Variants in RCAN2 observed in about 807,000 individuals in gnomAD.
The protein encoded by RCAN2 is calcipressin-2.
Under a neutral mutation model 23.6 loss-of-function variants are expected in RCAN2, and 9 were observed. That is an observed-to-expected ratio of 0.38 (90% CI 0.23 to 0.67). The LOEUF is 0.67. Among genes scored for constraint, RCAN2 ranks in the 30% least tolerant of loss-of-function variants. RCAN2 has a pLI of 0.51. For missense variants in RCAN2, 273 were observed against 302.3 expected, an observed-to-expected ratio of 0.90 and a Z score of 0.72; for synonymous variants, 109 against 115.7, an observed-to-expected ratio of 0.94 and a Z score of 0.37.
chr6:46,323,612 C>T (rs938187995), intron 2 of RCAN2, among the ~76,000 whole-genome samples: 1 of 152,198 alleles, frequency 6.6e-6, no homozygotes, highest in African/African-American at 2.4e-5. Flanking sequence ...CACTAGACTG[C>T]AAAATGCTGT....
At chr6:46,303,602 C>T (rs949214422) in intron 2 of RCAN2, among the ~76,000 whole-genome samples, 10 of 152,004 alleles carry the variant, frequency 6.6e-5, no homozygotes, top group African/African-American at 1.2e-4. Context: ...GGATTTAAAA[C>T]GGTTCCAGTA....
At chr6:46,429,412 CT>C (rs755500325) in intron 2 of RCAN2, among the ~76,000 whole-genome samples, 12 of 152,158 alleles carry the variant, frequency 7.9e-5, no homozygotes, top group Non-Finnish European at 1.6e-4. Flanking sequence ...CATCTTTTAC[CT>C]TGCACATTTG....
intron 4 of RCAN2, among the ~76,000 whole-genome samples, chr6:46,239,803 G>C (rs1476984533): frequency 6.6e-6 from 1 of 152,058 alleles, no homozygotes; most frequent in Non-Finnish European, 1.5e-5. Flanking sequence ...ATCTTCTGGA[G>C]GTTTCTCTCT....
intron 2 of RCAN2, among the ~76,000 whole-genome samples, chr6:46,391,679 T>G (rs1204068778): frequency 6.6e-6 from 1 of 152,110 alleles, no homozygotes; most frequent in African/African-American, 2.4e-5. Flanking sequence ...ACAGTGGAAG[T>G]TGGAGGAGTT....
intron 2 of RCAN2, among the ~76,000 whole-genome samples, chr6:46,401,622 T>C (rs1404240941): frequency 6.6e-6 from 1 of 152,186 alleles, no homozygotes; most frequent in Non-Finnish European, 1.5e-5. Flanking sequence ...TGTTTCCAAG[T>C]AATCTGCGAA....
intron 2 of RCAN2, among the ~76,000 whole-genome samples, chr6:46,358,107 C>T (rs188366028): frequency 5.9e-5 from 9 of 152,250 alleles, no homozygotes; most frequent in Middle Eastern, 3.4e-3. Context: ...ATCCCGGTGA[C>T]GCCCTAGGTC....
chr6:46,263,617 T>A (rs1767218163), intron 2 of RCAN2, among the ~76,000 whole-genome samples: 1 of 146,398 alleles, frequency 6.8e-6, no homozygotes, highest in Non-Finnish European at 1.5e-5. Context: ...CTGTAAGAGA[T>A]GGATAGAATT....
chr6:46,406,134 G>A (rs1766399879), intron 2 of RCAN2, among the ~76,000 whole-genome samples: 1 of 152,152 alleles, frequency 6.6e-6, no homozygotes, highest in Non-Finnish European at 1.5e-5. Context: ...CCCGGTTCCT[G>A]CTCGCGCCTC....
Position 46,489,358 on chromosome 6 carries a change from T to C in RCAN2, c.-3+1815A>G, listed in dbSNP as rs188957564. On this transcript the variant is annotated intron_variant, in intron 1 of 4. Coordinates refer to ENST00000371374, the MANE Select transcript of RCAN2 (RefSeq NM_001251974.2). ...TCTCCTTTTCTGCTAAATTGATTTC[T>C]GGGAGGCATGGGCCTCATTCTTTTA... Among the ~76,000 whole-genome samples the C allele has an allele frequency of 4.6e-5, 7 of 152,372 alleles. No individual in the cohort carries two copies. In the East Asian group the frequency reaches 1.3e-3, roughly 29 times the overall value.
At chr6:46,417,302 T>G (rs912755641) in intron 2 of RCAN2, among the ~76,000 whole-genome samples, 2 of 152,192 alleles carry the variant, frequency 1.3e-5, no homozygotes, top group Non-Finnish European at 1.5e-5. Flanking sequence ...ATTTGAGAGA[T>G]AAAAATGATA....
chr6:46,303,957 C>T (rs1436218622), intron 2 of RCAN2, among the ~76,000 whole-genome samples: 2 of 152,030 alleles, frequency 1.3e-5, no homozygotes, highest in African/African-American at 4.8e-5. Context: ...ACTCATTTAT[C>T]TTGAGAATTA....
At position 46,467,439 on chromosome 6, in the gene RCAN2, C is replaced by T. The variant is rs149860520; in HGVS notation, c.-2-10461G>A. 5.1e-3 allele frequency among the ~76,000 whole-genome samples: 776 copies of T among 152,326 alleles called. 4 individuals carry two copies. Among genetic ancestry groups the T allele is most frequent in the Middle Eastern group, 0.014 (4 of 294 alleles). On this transcript the variant is annotated intron_variant, in intron 1 of 4. Coordinates refer to ENST00000371374, the MANE Select transcript of RCAN2 (RefSeq NM_001251974.2). ...CACTTAGAACAATGACTCGGACACA[C>T]CATGAGTGTTCAGTAAGTGTTAACT...
chr6:46,439,341 A>G (rs1035392643), intron 2 of RCAN2, among the ~76,000 whole-genome samples: 2 of 152,230 alleles, frequency 1.3e-5, no homozygotes, highest in Non-Finnish European at 2.9e-5. Flanking sequence ...AAATTCCCAA[A>G]TATCAGTTCA....
At chr6:46,230,679 G>T (rs1765852611) in intron 4 of RCAN2, among the ~76,000 whole-genome samples, 2 of 152,168 alleles carry the variant, frequency 1.3e-5, no homozygotes, top group African/African-American at 4.8e-5. Flanking sequence ...ATCTGTCACG[G>T]CTTCCCTTGG....
intron 2 of RCAN2, among the ~76,000 whole-genome samples, chr6:46,333,720 G>C (rs1225460624): frequency 6.6e-6 from 1 of 152,186 alleles, no homozygotes; most frequent in Non-Finnish European, 1.5e-5. Flanking sequence ...GATTATCTCA[G>C]TGAAGCTTTG....
intron 2 of RCAN2, among the ~76,000 whole-genome samples, chr6:46,408,625 G>C (rs989110975): frequency 1.3e-5 from 2 of 152,128 alleles, no homozygotes; most frequent in African/African-American, 2.4e-5. Flanking sequence ...GAGCAAAGCT[G>C]CCAGCCCACA....
At chr6:46,313,647 A>G (rs943669853) in intron 2 of RCAN2, among the ~76,000 whole-genome samples, 4 of 152,354 alleles carry the variant, frequency 2.6e-5, no homozygotes, top group Middle Eastern at 3.4e-3. Flanking sequence ...AGAACTATAC[A>G]ATCATAACGT....
At chr6:46,245,380 T>C (rs1449902979) in intron 4 of RCAN2, among the ~76,000 whole-genome samples, 1 of 152,190 alleles carries the variant, frequency 6.6e-6, no homozygotes, top group African/African-American at 2.4e-5. Context: ...ATCATCTTAA[T>C]CTAGGTACCT....
chr6:46,377,570 A>T (rs1765511979), intron 2 of RCAN2, among the ~76,000 whole-genome samples: 1 of 152,184 alleles, frequency 6.6e-6, no homozygotes, highest in Admixed American at 6.5e-5. Context: ...TCTGGCAGAC[A>T]CTGGCTAACA....
Sources: gnomAD v4.1 joint callset for allele counts (sites outside exome capture counted in the v4.1 genomes callset) on GRCh38, gnomAD v4.1.1 for gene constraint, MANE v1.5 for transcripts, NCBI Gene and HGNC (gene_info 2026-07-23, HGNC 2026-07-21) for gene names.